The following AFG2A variants were observed in gnomAD, a reference collection of about 807,000 sequenced individuals.
AFG2A encodes ATPase family gene 2 protein homolog A.
the AFG2A span, among the ~76,000 whole-genome samples, chr4:123,114,237 A>G: frequency 2.0e-5 from 3 of 152,122 alleles, no homozygotes; most frequent in African/African-American, 7.2e-5. Context: ...TAAAGGCACC[A>G]CAAGTCCCCA....
chr4:123,149,476 C>T, the AFG2A span, among the ~76,000 whole-genome samples: 18 of 152,104 alleles, frequency 1.2e-4, no homozygotes, highest in African/African-American at 2.4e-4. Context: ...TTCTCTGCTT[C>T]GATTTGTACT....
chr4:123,012,151 G>A, the AFG2A span, among the ~76,000 whole-genome samples: 17 of 138,668 alleles, frequency 1.2e-4, no homozygotes, highest in African/African-American at 4.6e-4. Context: ...TGCCCCCCAG[G>A]AAAGTGGAGA....
the AFG2A span, among the ~76,000 whole-genome samples, chr4:123,062,117 A>T: frequency 3.3e-3 from 509 of 152,324 alleles, 3 homozygotes; most frequent in Middle Eastern, 0.014. Flanking sequence ...CAGCTTCTAG[A>T]TGTTATTTCC....
the AFG2A span, among the ~76,000 whole-genome samples, chr4:122,928,209 A>C: frequency 6.6e-6 from 1 of 152,148 alleles, no homozygotes; most frequent in African/African-American, 2.4e-5. Context: ...CTTTATAAAA[A>C]TATTATTTTG....
At chr4:123,260,519 T>C in the AFG2A span, among the ~76,000 whole-genome samples, 1 of 152,194 alleles carries the variant, frequency 6.6e-6, no homozygotes, top group Non-Finnish European at 1.5e-5. Flanking sequence ...CTTTTCTGTC[T>C]CACTGATTAA....
the AFG2A span, among the ~76,000 whole-genome samples, chr4:123,044,742 T>G: frequency 6.6e-6 from 1 of 152,018 alleles, no homozygotes; most frequent in Non-Finnish European, 1.5e-5. Context: ...ATTGTTGTTA[T>G]TAAGGGACCT....
At chr4:123,003,124 C>G in the AFG2A span, among the ~76,000 whole-genome samples, 2 of 152,214 alleles carry the variant, frequency 1.3e-5, no homozygotes, top group Non-Finnish European at 2.9e-5. Flanking sequence ...GCATTCTTCA[C>G]GTAGTTCTCG....
At chr4:122,939,075 CTTTTTTTTTTTTTTT>C in the AFG2A span, among the ~76,000 whole-genome samples, 6 of 102,226 alleles carry the variant, frequency 5.9e-5, no homozygotes, top group African/African-American at 1.4e-4. Flanking sequence ...TATGTTCTTT[CTTTTTTTTTTTTTTT>C]TTTTTTTTTT....
At chr4:123,057,205 C>G in the AFG2A span, 3 of 1,613,706 alleles carry the variant, frequency 1.9e-6, no homozygotes, top group Admixed American at 1.7e-5. Context: ...ACTCTTTCCA[C>G]CAGACCTTCC....
At chr4:122,930,962 AG>A in the AFG2A span, among the ~76,000 whole-genome samples, 1 of 22,004 alleles carries the variant, frequency 4.5e-5, no homozygotes. Context: ...ATGTGGCAGC[AG>A]AGTATAGACA....
At chr4:122,950,632 G>A in the AFG2A span, among the ~76,000 whole-genome samples, 2 of 152,204 alleles carry the variant, frequency 1.3e-5, no homozygotes, top group South Asian at 2.1e-4. Flanking sequence ...GAGCCACTGT[G>A]TCTGGCCCAT....
the AFG2A span, among the ~76,000 whole-genome samples, chr4:123,079,519 TGTTTA>T: frequency 1.3e-5 from 2 of 152,082 alleles, no homozygotes; most frequent in East Asian, 1.9e-4. Flanking sequence ...CCTTTGGAAC[TGTTTA>T]GTTATGTTCC....
At chr4:122,975,731 A>G in the AFG2A span, among the ~76,000 whole-genome samples, 1 of 152,126 alleles carries the variant, frequency 6.6e-6, no homozygotes, top group African/African-American at 2.4e-5. Context: ...GGAGAGAGAC[A>G]CTTTCTTTTC....
At chr4:123,004,361 T>C in the AFG2A span, among the ~76,000 whole-genome samples, 1 of 152,204 alleles carries the variant, frequency 6.6e-6, no homozygotes, top group Non-Finnish European at 1.5e-5. Context: ...ATGAACCCGG[T>C]ACCTCAGATG....
chr4:123,224,479 C>T, the AFG2A span, among the ~76,000 whole-genome samples: 160 of 151,786 alleles, frequency 1.1e-3, 1 homozygote, highest in Middle Eastern at 3.4e-3. Flanking sequence ...TTTGTCCTTG[C>T]GATAGTTTGC....
the AFG2A span, among the ~76,000 whole-genome samples, chr4:122,978,575 A>C: frequency 1.3e-5 from 2 of 152,142 alleles, no homozygotes; most frequent in Non-Finnish European, 2.9e-5. Context: ...CCCTGGCTTA[A>C]AGGTGGGGCT....
the AFG2A span, among the ~76,000 whole-genome samples, chr4:123,201,592 C>A: frequency 6.6e-6 from 1 of 151,896 alleles, no homozygotes; most frequent in South Asian, 2.1e-4. Context: ...AAATAGTGGC[C>A]GAGTTAATCT....
At chr4:123,057,394 A>G in the AFG2A span, 29 of 1,239,520 alleles carry the variant, frequency 2.3e-5, no homozygotes, top group East Asian at 7.4e-4. Flanking sequence ...ATCTATTAAT[A>G]CATTTGGCCT....
At chr4:123,157,646 C>T in the AFG2A span, among the ~76,000 whole-genome samples, 1 of 152,072 alleles carries the variant, frequency 6.6e-6, no homozygotes, top group Non-Finnish European at 1.5e-5. Context: ...TGAGCGTGTT[C>T]GGGGTGGTAT....
Sources: allele counts gnomAD v4.1 joint callset (sites outside exome capture counted in the v4.1 genomes callset), GRCh38; gene constraint gnomAD v4.1.1; transcripts MANE v1.5; gene names NCBI Gene and HGNC (gene_info 2026-07-23, HGNC 2026-07-21).